The following LHFPL3 variants were observed in gnomAD, a reference collection of about 807,000 sequenced individuals.
LHFPL3 encodes the protein LHFPL tetraspan subfamily member 3 protein.
Under a neutral mutation model 19.3 loss-of-function variants are expected in LHFPL3, and 5 were observed. The observed-to-expected ratio is 0.26, with a 90% confidence interval of 0.14 to 0.54. The LOEUF (loss-of-function observed/expected upper bound fraction) is 0.54, where lower values mean the gene tolerates loss of function less well. LHFPL3 is among the 20% of genes least tolerant of loss of function. The pLI is 0.94. For missense variants in LHFPL3, 249 were observed against 307.4 expected, an observed-to-expected ratio of 0.81 and a Z score of 1.42; for synonymous variants, 133 against 126.2, an observed-to-expected ratio of 1.05 and a Z score of -0.36.
intron 2 of LHFPL3, among the ~76,000 whole-genome samples, chr7:104,791,243 A>T (rs1445540188): frequency 6.6e-6 from 1 of 152,238 alleles, no homozygotes; most frequent in Non-Finnish European, 1.5e-5. Flanking sequence ...CTGATTGCTC[A>T]TAAAACAAAC....
rs1161276208 is a variant in LHFPL3, at chr7:104,520,926, G to A, written c.445+191702G>A. On this transcript the variant is annotated intron_variant, in intron 1 of 2. Coordinates refer to ENST00000424859, the MANE Select transcript of LHFPL3 (RefSeq NM_199000.3). ...CCTGGATTCATTAATTTTTTGAAGG[G>A]TTTTTTGTGTCTCTATTTCCTTCAG... 3.3e-5 allele frequency among the ~76,000 whole-genome samples: 5 copies of A among 150,046 alleles called. No homozygotes were observed. The South Asian group carries it at 6.4e-4, about 19-fold the overall frequency.
At chr7:104,876,354 T>C (rs1029320889) in intron 2 of LHFPL3, among the ~76,000 whole-genome samples, 13 of 152,124 alleles carry the variant, frequency 8.5e-5, no homozygotes, top group African/African-American at 2.9e-4. Context: ...ACCTACAGAA[T>C]GGGAGAAAAT....
intron 2 of LHFPL3, among the ~76,000 whole-genome samples, chr7:104,861,713 GGTCAA>G (rs1791622345): frequency 6.6e-6 from 1 of 152,134 alleles, no homozygotes; most frequent in Admixed American, 6.5e-5. Flanking sequence ...AGAAACTAAT[GGTCAA>G]GCACCGAGCT....
intron 1 of LHFPL3, among the ~76,000 whole-genome samples, chr7:104,720,723 C>T (rs899490424): frequency 6.6e-6 from 1 of 152,078 alleles, no homozygotes; most frequent in Non-Finnish European, 1.5e-5. Flanking sequence ...AAAAAGTGGG[C>T]GAAGGATATG....
intron 1 of LHFPL3, among the ~76,000 whole-genome samples, chr7:104,652,662 T>A (rs1457146768): frequency 6.6e-6 from 1 of 151,362 alleles, no homozygotes; most frequent in Non-Finnish European, 1.5e-5. Context: ...TTGCTGGAGA[T>A]TGAGGAGGAG....
intron 1 of LHFPL3, among the ~76,000 whole-genome samples, chr7:104,718,093 G>A (rs545039891): frequency 6.6e-6 from 1 of 152,306 alleles, no homozygotes; most frequent in South Asian, 2.1e-4. Context: ...ATCTAAAATA[G>A]TTAAACTCAT....
Position 104,399,869 on chromosome 7 carries a change from G to A in LHFPL3, c.445+70645G>A, listed in dbSNP as rs1791276498. 6.6e-6 allele frequency among the ~76,000 whole-genome samples: 1 copy of A among 151,314 alleles called. No individual in the cohort carries two copies. The highest frequency in any genetic ancestry group is 1.5e-5 in the Non-Finnish European group (1 of 67,820). ...GCTAAAGACTCTGTAAGATCAGGGA[G>A]CCGAGGCAGGTGGATCACGTGAGGT... On this transcript the variant is annotated intron_variant, in intron 1 of 2. Transcript: ENST00000424859. The surrounding 1 kb of genome is among the most constrained non-coding windows in gnomAD (Gnocchi z 4.4).
chr7:104,665,443 A>G (rs533233049), intron 1 of LHFPL3, among the ~76,000 whole-genome samples: 1 of 152,276 alleles, frequency 6.6e-6, no homozygotes, highest in African/African-American at 2.4e-5. Flanking sequence ...AAAAAATGTA[A>G]CCATATTCAG....
chr7:104,626,897 C>A lies in LHFPL3; in HGVS notation c.446-109778C>A, dbSNP rs77388787. Among the ~76,000 whole-genome samples, 1,335 of 152,218 alleles carry A rather than the reference C, an allele frequency of 8.8e-3. 18 individuals are homozygous for A. Among genetic ancestry groups the A allele is most frequent in the African/African-American group, 0.031 (1,270 of 41,524 alleles). ...ATGAATACAAAATGATATAATACAA[C>A]ACAATGTTTTGATATATATAGACCT... On this transcript the variant is annotated intron_variant, in intron 1 of 2. Transcript: ENST00000424859.
At chr7:104,749,727 T>C (rs1032389256) in intron 2 of LHFPL3, among the ~76,000 whole-genome samples, 121 of 152,384 alleles carry the variant, frequency 7.9e-4, no homozygotes, top group African/African-American at 2.7e-3. Context: ...GAAGGCTCAA[T>C]ATGACCCTTT....
chr7:104,339,330 C>T (rs1370496808), intron 1 of LHFPL3, among the ~76,000 whole-genome samples: 1 of 152,158 alleles, frequency 6.6e-6, no homozygotes, highest in Non-Finnish European at 1.5e-5. Context: ...GTTTGACCCT[C>T]ATAACAATCC....
intron 1 of LHFPL3, among the ~76,000 whole-genome samples, chr7:104,720,599 C>T (rs927311720): frequency 6.6e-6 from 1 of 152,054 alleles, no homozygotes; most frequent in South Asian, 2.1e-4. Flanking sequence ...TCAGAGTGAA[C>T]AGTCAACCTA....
intron 2 of LHFPL3, 149 bp downstream of exon 2, chr7:104,737,060 G>T (rs1462171427): frequency 1.6e-6 from 1 of 608,956 alleles, no homozygotes; most frequent in Non-Finnish European, 2.9e-6. Flanking sequence ...CTTTACCCCA[G>T]ACTCAACTCA....
At chr7:104,624,902 T>C (rs569338128) in intron 1 of LHFPL3, among the ~76,000 whole-genome samples, 32 of 152,318 alleles carry the variant, frequency 2.1e-4, no homozygotes, top group African/African-American at 7.5e-4. Context: ...TAAATCTGAG[T>C]CCAGGTTTAA....
chr7:104,338,184 C>T (rs961627400), intron 1 of LHFPL3, among the ~76,000 whole-genome samples: 4 of 145,118 alleles, frequency 2.8e-5, no homozygotes, highest in Non-Finnish European at 6.0e-5. Flanking sequence ...CTGCAAGCTC[C>T]GCCTTCTGGG....
At chr7:104,718,495 G>A (rs1469170558) in intron 1 of LHFPL3, among the ~76,000 whole-genome samples, 2 of 152,160 alleles carry the variant, frequency 1.3e-5, no homozygotes, top group Non-Finnish European at 2.9e-5. Flanking sequence ...TAGTCAGACT[G>A]GCACAGAATT....
intron 1 of LHFPL3, among the ~76,000 whole-genome samples, chr7:104,468,708 G>T (rs946778044): frequency 6.6e-6 from 1 of 150,626 alleles, no homozygotes; most frequent in African/African-American, 2.4e-5. Flanking sequence ...ATCCAGGCTG[G>T]AGTGCAGTGG....
At chr7:104,678,304 A>C (rs1352488267) in intron 1 of LHFPL3, among the ~76,000 whole-genome samples, 1 of 152,232 alleles carries the variant, frequency 6.6e-6, no homozygotes, top group African/African-American at 2.4e-5. Flanking sequence ...TCTGTATTAC[A>C]GGCAAGACTC....
intron 1 of LHFPL3, among the ~76,000 whole-genome samples, chr7:104,400,769 A>G (rs542026480): frequency 2.0e-5 from 3 of 152,326 alleles, no homozygotes; most frequent in South Asian, 2.1e-4. Context: ...ATTTTTATCA[A>G]TATTTTCACC....
Sources: allele counts gnomAD v4.1 joint callset (sites outside exome capture counted in the v4.1 genomes callset), GRCh38; gene constraint gnomAD v4.1.1; non-coding constraint Gnocchi (gnomAD v3.1); transcripts MANE v1.5; gene names NCBI Gene and HGNC (gene_info 2026-07-23, HGNC 2026-07-21).